KCNG3: variants seen among roughly 807,000 people sequenced by gnomAD.
KCNG3 encodes the protein potassium voltage-gated channel modifier subfamily G member 3, also known as voltage-gated potassium channel regulatory subunit KCNG3.
Under a neutral mutation model 29.0 loss-of-function variants are expected in KCNG3, and 15 were observed. That is an observed-to-expected ratio of 0.52 (90% CI 0.35 to 0.80). The LOEUF (loss-of-function observed/expected upper bound fraction) is 0.80. Ranked by LOEUF, KCNG3 falls within the 30% of genes least tolerant of loss-of-function variation. KCNG3 has a pLI of 0.01. For missense variants in KCNG3, 512 were observed against 605.7 expected (o/e 0.85, Z 1.62); for synonymous variants, 322 against 248.9 (o/e 1.29, Z -2.76).
chr2:42,445,169 A>T (rs74708345), intron 1 of KCNG3, among the ~76,000 whole-genome samples: 2,277 of 152,006 alleles, frequency 0.015, 72 homozygotes, highest in African/African-American at 0.051. Context: ...TAATACTTTT[A>T]AAAAATATCT....
chr2:42,403,474 TC>T, the KCNG3 span, among the ~76,000 whole-genome samples: 1 of 141,130 alleles, frequency 7.1e-6, no homozygotes, highest in African/African-American at 2.7e-5. Context: ...CTATTTCTTT[TC>T]TGTTTTTTTT....
At chr2:42,453,958 G>C (rs1672821488) in intron 1 of KCNG3, among the ~76,000 whole-genome samples, 1 of 152,026 alleles carries the variant, frequency 6.6e-6, no homozygotes, top group Admixed American at 6.6e-5. Context: ...TTATTGAAGA[G>C]ACTGTCCTGG....
At chr2:42,465,607 A>G (rs896937203) in intron 1 of KCNG3, among the ~76,000 whole-genome samples, 2 of 152,212 alleles carry the variant, frequency 1.3e-5, no homozygotes, top group African/African-American at 4.8e-5. Flanking sequence ...AGTAGTAATC[A>G]TGAAAGAAAA....
chr2:42,436,332 TA>T, the KCNG3 span, among the ~76,000 whole-genome samples: 1 of 152,220 alleles, frequency 6.6e-6, no homozygotes, highest in African/African-American at 2.4e-5. Context: ...ATAAATATAT[TA>T]AAAACCACAG....
chr2:42,464,957 G>A (rs1315136473), intron 1 of KCNG3, among the ~76,000 whole-genome samples: 1 of 152,040 alleles, frequency 6.6e-6, no homozygotes, highest in Non-Finnish European at 1.5e-5. Flanking sequence ...CACTTAATAG[G>A]TACCCAGAAA....
chr2:42,452,926 T>C (rs577375407), intron 1 of KCNG3, among the ~76,000 whole-genome samples: 26 of 152,246 alleles, frequency 1.7e-4, no homozygotes, highest in African/African-American at 6.0e-4. Context: ...GGACTACAGG[T>C]GCATGCTACC....
At position 42,493,481 on chromosome 2, in the gene KCNG3, C is replaced by G; in HGVS notation, c.21G>C (p.Gly7=). The part of the protein sequence containing the change: MTFGRS[G]AASVVLNVGG... Reference sequence around the variant, plus strand: ...CCACGTTCAGCACCACCGAGGCCGCCCCGCTGCGCCCGAAGGTCATGGCTG... The same window carrying G: ...CCACGTTCAGCACCACCGAGGCCGCGCCGCTGCGCCCGAAGGTCATGGCTG... The change falls in exon 1 of 2, where the codon GGG becomes GGC. Residue 7 remains glycine (G), a synonymous_variant. Transcript: ENST00000306078. 1 of 1,419,140 alleles carries G rather than the reference C, an allele frequency of 7.0e-7. No homozygotes were observed. Among genetic ancestry groups the G allele is most frequent in the Admixed American group, 3.0e-5 (1 of 33,398 alleles). The allele number at this position is 1,419,140 out of a possible 1,614,324, so 87.9% of individuals were successfully genotyped here. A position where few individuals can be genotyped will look rare whatever the true frequency, so the allele number is the denominator to read the frequency against.
intron 1 of KCNG3, among the ~76,000 whole-genome samples, chr2:42,470,719 T>C (rs1673264178): frequency 6.7e-6 from 1 of 149,348 alleles, no homozygotes; most frequent in Admixed American, 6.7e-5. Flanking sequence ...TACAAAAAAG[T>C]ACAAAAATTA....
the KCNG3 span, among the ~76,000 whole-genome samples, chr2:42,403,477 G>GTTTTTT: frequency 6.4e-4 from 56 of 87,778 alleles, 1 homozygote; most frequent in Non-Finnish European, 7.5e-4. Context: ...TTTCTTTTCT[G>GTTTTTT]TTTTTTTTTT....
rs67651134 is a variant in KCNG3 at position 42,451,204 on chromosome 2, CAAAAAAAAAA to C, written c.666-6635_666-6626del. ...TGGGTGACAGAGCAAGACTCCAACT[CAAAAAAAAAA>C]AAAAAAAAAAAAAAAGATTAAATGG... is the stretch of plus-strand genomic sequence containing the variant. On this transcript the variant is annotated intron_variant, in intron 1 of 1. Transcript: ENST00000306078. Among the ~76,000 whole-genome samples, 58 of 61,028 alleles carry C rather than the reference CAAAAAAAAAA, an allele frequency of 9.5e-4. 1 individual carries two copies. The highest frequency in any genetic ancestry group is 3.7e-3 in the African/African-American group (52 of 14,006). The allele number at this position is 61,028 out of a possible 152,430, so 40.0% of individuals were successfully genotyped here. A position where few individuals can be genotyped will look rare whatever the true frequency, so the allele number is the denominator to read the frequency against.
intron 1 of KCNG3, among the ~76,000 whole-genome samples, chr2:42,489,852 T>C: frequency 6.6e-6 from 1 of 152,184 alleles, no homozygotes; most frequent in East Asian, 1.9e-4. Flanking sequence ...TTTTGACTCT[T>C]CCTGGTATTT....
chr2:42,492,750 G>A, intron 1 of KCNG3, 87 bp downstream of exon 1: 1 of 1,254,156 alleles, frequency 8.0e-7, no homozygotes, highest in Non-Finnish European at 1.0e-6. Context: ...GTCGCCCGGA[G>A]GCGGACAGGA....
intron 1 of KCNG3, among the ~76,000 whole-genome samples, chr2:42,461,022 G>A (rs1461983292): frequency 2.0e-5 from 3 of 151,680 alleles, no homozygotes; most frequent in Non-Finnish European, 2.9e-5. Flanking sequence ...TTAGCCAGGC[G>A]TGGCAGCATG....
chr2:42,422,742 A>C, the KCNG3 span, among the ~76,000 whole-genome samples: 2 of 152,176 alleles, frequency 1.3e-5, no homozygotes, highest in Non-Finnish European at 2.9e-5. Flanking sequence ...CCATATTTAT[A>C]GCCATAGTTA....
chr2:42,458,005 T>G (rs1672922083), intron 1 of KCNG3, among the ~76,000 whole-genome samples: 1 of 152,134 alleles, frequency 6.6e-6, no homozygotes, highest in Non-Finnish European at 1.5e-5. Flanking sequence ...ATGTACTCAC[T>G]GACTAAGTCA....
the KCNG3 span, among the ~76,000 whole-genome samples, chr2:42,436,885 C>T: frequency 3.3e-5 from 5 of 152,156 alleles, no homozygotes; most frequent in African/African-American, 1.2e-4. Context: ...ACAAGAATGC[C>T]CTTCTCAAAA....
At chr2:42,448,099 T>C (rs146548822) in intron 1 of KCNG3, among the ~76,000 whole-genome samples, 30 of 152,308 alleles carry the variant, frequency 2.0e-4, no homozygotes, top group Non-Finnish European at 2.8e-4. Context: ...CTAGCTTATT[T>C]TGAGCAATGT....
chr2:42,481,265 G>C (rs1979755), intron 1 of KCNG3, among the ~76,000 whole-genome samples: 98,441 of 151,994 alleles, frequency 0.65, 32,978 homozygotes, highest in African/African-American at 0.82. Flanking sequence ...CTGATTATAA[G>C]AATATCTTTA....
At chr2:42,485,930 T>C (rs1043061885) in intron 1 of KCNG3, among the ~76,000 whole-genome samples, 1 of 152,220 alleles carries the variant, frequency 6.6e-6, no homozygotes, top group African/African-American at 2.4e-5. Flanking sequence ...GATTAATTCA[T>C]TACTAGAACT....
Sources: allele counts gnomAD v4.1 joint callset (sites outside exome capture counted in the v4.1 genomes callset), GRCh38; gene constraint gnomAD v4.1.1; transcripts MANE v1.5; gene names NCBI Gene and HGNC (gene_info 2026-07-23, HGNC 2026-07-21).